LCOR: variants seen among roughly 807,000 people sequenced by gnomAD.
LCOR encodes the protein ligand dependent nuclear receptor corepressor.
In LCOR, 14 loss-of-function variants were observed where a neutral mutation model predicts 64.4. The ratio of observed to expected loss-of-function variants is 0.22; its 90% CI spans 0.14 to 0.34. The LOEUF (loss-of-function observed/expected upper bound fraction) is 0.34, where lower values mean the gene tolerates loss of function less well. Ranked by LOEUF, LCOR falls within the 10% of genes least tolerant of loss-of-function variation. The probability of loss-of-function intolerance (pLI) is 1.00; values close to 1 mark genes in which losing one functional copy is unlikely to be tolerated. For synonymous variants in LCOR, 643 were observed against 642.5 expected (o/e 1.00, Z -0.01); for missense variants, 1,686 against 1,765.3 (o/e 0.96, Z 0.80).
At position 96,983,180 on chromosome 10, in the gene LCOR, T is replaced by C. The variant is rs758346996; in HGVS notation, c.2720T>C (p.Ile907Thr). The change falls in exon 8 of 8, where the codon ATC becomes ACC. Residue 907 changes from isoleucine (I) to threonine (T), a missense_variant. Coordinates refer to ENST00000421806, the MANE Select transcript of LCOR (RefSeq NM_001346516.2). The surrounding 1 kb of genome is among the most constrained non-coding windows in gnomAD (Gnocchi z 4.5). ...CAGGAGGGCGAAGGCGGGGGGATCA[T>C]CACCAGGCAGACTTTGAAAAACATG... ...AEQEGEGGGI[I>T]TRQTLKNMLD... 1.9e-6 allele frequency: 3 copies of C among 1,614,050 alleles called. No homozygotes were observed. In the Admixed American group the frequency reaches 5.0e-5, roughly 27 times the overall value.
intron 2 of LCOR, among the ~76,000 whole-genome samples, chr10:96,883,692 T>G (rs1248021786): frequency 6.6e-6 from 1 of 152,256 alleles, no homozygotes; most frequent in Non-Finnish European, 1.5e-5. Context: ...TCAGATTGTC[T>G]TCCTATTGTT....
intron 4 of LCOR, among the ~76,000 whole-genome samples, chr10:96,929,376 T>C (rs983026198): frequency 1.3e-5 from 2 of 152,252 alleles, no homozygotes; most frequent in Non-Finnish European, 2.9e-5. Flanking sequence ...CCTTGCACTT[T>C]TGTTGTTACA....
rs368326754 is a variant in LCOR at position 96,857,645 on chromosome 10, A to C, written c.-330+24166A>C. Among the ~76,000 whole-genome samples, 4 of 152,162 alleles carry C rather than the reference A, an allele frequency of 2.6e-5. No homozygotes were observed. The East Asian group carries it at 5.8e-4, about 22-fold the overall frequency. ...CCCTTTTACCCAGGGCTACTTAGAA[A>C]ATTTTAGAAAAATACTGCCTAAAGC... On this transcript the variant is annotated intron_variant, in intron 2 of 7. Transcript: ENST00000421806.
In LCOR at chr10:96,980,953, C is replaced by G; in HGVS notation, c.493C>G (p.Pro165Ala). Residue 165 changes from proline (P) to alanine (A), a missense_variant, in exon 8 of 8, where the codon CCT becomes GCT. Pro to Ala is a conservative substitution (Grantham distance 27). Coordinates refer to ENST00000421806, the MANE Select transcript of LCOR (RefSeq NM_001346516.2). ...TCAACCAGGCACTGAGGACCTGCAGCCTTCTGATTCGGGAGCAATGGATGT... is the reference window on the plus strand; with the variant it reads ...TCAACCAGGCACTGAGGACCTGCAGGCTTCTGATTCGGGAGCAATGGATGT... ...ESQPGTEDLQ[P>A]SDSGAMDVST... is the part of the protein sequence containing the mutation. 1 of 703,028 alleles carries G rather than the reference C, an allele frequency of 1.4e-6. No homozygotes were observed. The highest frequency in any genetic ancestry group is 2.6e-6 in the Non-Finnish European group (1 of 385,006). 43.5% of individuals were successfully genotyped at this position (703,028 alleles called of 1,614,324 possible).
chr10:96,832,522 G>A (rs1206083580), intron 1 of LCOR, 123 bp downstream of exon 1: 1 of 215,966 alleles, frequency 4.6e-6, no homozygotes, highest in Admixed American at 6.6e-5. Context: ...TTTGGCTCGA[G>A]CGTCCCCCCT....
chr10:96,841,693 A>G (rs756215078), intron 2 of LCOR, among the ~76,000 whole-genome samples: 9 of 151,926 alleles, frequency 5.9e-5, no homozygotes, highest in Non-Finnish European at 1.0e-4. Context: ...AGATGTTGTG[A>G]ACACCAGTAT....
chr10:96,859,598 C>T (rs1256099836), intron 2 of LCOR, among the ~76,000 whole-genome samples: 1 of 151,794 alleles, frequency 6.6e-6, no homozygotes, highest in Non-Finnish European at 1.5e-5. Context: ...CGCTCTGTCG[C>T]CCAGGCTGGA....
intron 2 of LCOR, among the ~76,000 whole-genome samples, chr10:96,891,407 C>T (rs964695237): frequency 7.2e-6 from 1 of 139,580 alleles, no homozygotes; most frequent in East Asian, 2.1e-4. Flanking sequence ...TTTTCTTGGT[C>T]TGTCTAGTTA....
At chr10:96,861,570 G>T (rs1589612314) in intron 2 of LCOR, among the ~76,000 whole-genome samples, 1 of 151,802 alleles carries the variant, frequency 6.6e-6, no homozygotes, top group African/African-American at 2.4e-5. Context: ...TTGAGACAGG[G>T]TGTCTCACTC....
intron 2 of LCOR, among the ~76,000 whole-genome samples, chr10:96,866,441 T>C (rs1484087676): frequency 6.6e-6 from 1 of 152,240 alleles, no homozygotes; most frequent in African/African-American, 2.4e-5. Flanking sequence ...GGGGCTGTTA[T>C]AAATAATGCT....
intron 2 of LCOR, among the ~76,000 whole-genome samples, chr10:96,888,503 C>T (rs969040447): frequency 4.6e-5 from 7 of 150,960 alleles, no homozygotes; most frequent in African/African-American, 1.7e-4. Context: ...CTGATAGGAT[C>T]AGTAGTGATA....
chr10:96,913,378 G>C (rs1025692694), intron 4 of LCOR, among the ~76,000 whole-genome samples: 4 of 152,182 alleles, frequency 2.6e-5, no homozygotes, highest in Admixed American at 1.3e-4. Flanking sequence ...GTCGGGGAGA[G>C]ATGGGAAGGA....
chr10:96,852,782 C>A (rs1432282362), intron 2 of LCOR, among the ~76,000 whole-genome samples: 1 of 152,040 alleles, frequency 6.6e-6, no homozygotes, highest in East Asian at 1.9e-4. Context: ...GAAATATAGT[C>A]AGTAAGTCTT....
Position 96,991,628 on chromosome 10 carries a change from A to G in LCOR, c.*6494A>G, listed in dbSNP as rs1426958209. ...CTCTGGTCGTGATATGAGAACATAGATGCCTGGTGTTTGCCTGTTTGACTT... is the reference window on the plus strand; with the variant it reads ...CTCTGGTCGTGATATGAGAACATAGGTGCCTGGTGTTTGCCTGTTTGACTT... On this transcript the variant is annotated 3_prime_UTR_variant, in exon 8 of 8. Coordinates refer to ENST00000421806, the MANE Select transcript of LCOR (RefSeq NM_001346516.2). 6.6e-6 allele frequency: 1 copy of G among 152,214 alleles called. No individual in the cohort carries two copies. Among genetic ancestry groups the G allele is most frequent in the Non-Finnish European group, 1.5e-5 (1 of 68,042 alleles). 9.4% of individuals were successfully genotyped at this position (152,214 alleles called of 1,614,324 possible).
chr10:96,943,910 AAGT>A (rs1388196842), intron 4 of LCOR, among the ~76,000 whole-genome samples, 200 bp from the exon 5 acceptor site: 1 of 152,212 alleles, frequency 6.6e-6, no homozygotes, highest in African/African-American at 2.4e-5. Flanking sequence ...TCAAAAAAAG[AAGT>A]AGATAAAATC....
At chr10:96,851,247 T>G (rs1228681656) in intron 2 of LCOR, among the ~76,000 whole-genome samples, 1 of 152,206 alleles carries the variant, frequency 6.6e-6, no homozygotes, top group South Asian at 2.1e-4. Context: ...CAGCTGAAAT[T>G]CTCATCAGAA....
At chr10:96,847,582 C>T (rs896834202) in intron 2 of LCOR, among the ~76,000 whole-genome samples, 8 of 152,090 alleles carry the variant, frequency 5.3e-5, no homozygotes, top group African/African-American at 1.7e-4. Flanking sequence ...GCTGCGATTA[C>T]AAGCGTGTGC....
chr10:96,863,178 C>T (rs1845916816), intron 2 of LCOR, among the ~76,000 whole-genome samples: 2 of 146,230 alleles, frequency 1.4e-5, no homozygotes, highest in African/African-American at 5.1e-5. Flanking sequence ...CCACCATGCC[C>T]AGCCGAAGTA....
chr10:96,836,224 T>C (rs888493035), intron 2 of LCOR, among the ~76,000 whole-genome samples: 6 of 152,212 alleles, frequency 3.9e-5, no homozygotes, highest in African/African-American at 1.4e-4. Context: ...CTTATGGTGC[T>C]ACACAGGGGG....
Sources: allele counts gnomAD v4.1 joint callset (sites outside exome capture counted in the v4.1 genomes callset), GRCh38; gene constraint gnomAD v4.1.1; non-coding constraint Gnocchi (gnomAD v3.1); transcripts MANE v1.5; gene names NCBI Gene and HGNC (gene_info 2026-07-23, HGNC 2026-07-21).